Variants in DOK5 observed in about 807,000 individuals in gnomAD.
DOK5 encodes docking protein 5.
Under a neutral mutation model 43.3 loss-of-function variants are expected in DOK5, and 27 were observed. That is an observed-to-expected ratio of 0.62 (90% confidence interval 0.46 to 0.86). The LOEUF (loss-of-function observed/expected upper bound fraction) is 0.86. Among genes scored for constraint, DOK5 ranks in the 40% least tolerant of loss-of-function variants. The probability of loss-of-function intolerance (pLI) is 0.00; values close to 1 mark genes in which losing one functional copy is unlikely to be tolerated. For synonymous variants in DOK5, 146 were observed against 140.1 expected (o/e 1.04, Z -0.30); for missense variants, 373 against 392.9 (o/e 0.95, Z 0.43).
chr20:54,592,106 GGTACCATTTC>G (rs1985994425), intron 5 of DOK5, among the ~76,000 whole-genome samples: 1 of 152,102 alleles, frequency 6.6e-6, no homozygotes, highest in Admixed American at 6.5e-5. Context: ...ATGTTAAAAA[GGTACCATTTC>G]CTGGGTCAAG....
chr20:54,561,725 G>T (rs540249041), intron 2 of DOK5, among the ~76,000 whole-genome samples: 6 of 152,074 alleles, frequency 3.9e-5, no homozygotes, highest in Non-Finnish European at 8.8e-5. Flanking sequence ...GTGCGATCTC[G>T]GCTCACCGCA....
At chr20:54,519,344 A>T (rs1600676537) in intron 1 of DOK5, among the ~76,000 whole-genome samples, 1 of 152,344 alleles carries the variant, frequency 6.6e-6, no homozygotes, top group South Asian at 2.1e-4. Flanking sequence ...TAAATGCTAA[A>T]TAACTATTAG....
intron 2 of DOK5, among the ~76,000 whole-genome samples, chr20:54,580,612 T>C (rs750828857): frequency 6.6e-6 from 1 of 152,168 alleles, no homozygotes; most frequent in Non-Finnish European, 1.5e-5. Flanking sequence ...TGATGATTAG[T>C]GATGTTGAGA....
At chr20:54,613,983 G>C (rs987273817) in intron 6 of DOK5, among the ~76,000 whole-genome samples, 6 of 150,956 alleles carry the variant, frequency 4.0e-5, no homozygotes, top group Admixed American at 4.0e-4. Flanking sequence ...GACAAAGGGA[G>C]ACCCCATCTC....
At chr20:54,514,837 C>T (rs1057290053) in intron 1 of DOK5, among the ~76,000 whole-genome samples, 13 of 151,950 alleles carry the variant, frequency 8.6e-5, no homozygotes, top group African/African-American at 2.9e-4. Flanking sequence ...GTTGAATTAC[C>T]AAAATGCTCA....
At chr20:54,524,830 G>A (rs1983527342) in intron 1 of DOK5, among the ~76,000 whole-genome samples, 1 of 152,200 alleles carries the variant, frequency 6.6e-6, no homozygotes, top group South Asian at 2.1e-4. Context: ...AGCTGAAACT[G>A]ATCTATGCCA....
intron 2 of DOK5, among the ~76,000 whole-genome samples, chr20:54,574,125 G>A (rs73911976): frequency 0.017 from 2,552 of 152,246 alleles, 67 homozygotes; most frequent in African/African-American, 0.059. Flanking sequence ...TCTGCTGCAA[G>A]TCTCTGTTGA....
intron 2 of DOK5, among the ~76,000 whole-genome samples, chr20:54,561,028 A>G (rs935289419): frequency 2.0e-5 from 3 of 152,186 alleles, no homozygotes; most frequent in Non-Finnish European, 4.4e-5. Flanking sequence ...ACTCTCTTCC[A>G]TATTCCCTCT....
chr20:54,644,839 G>T (rs899147182), intron 7 of DOK5, among the ~76,000 whole-genome samples: 28 of 150,578 alleles, frequency 1.9e-4, no homozygotes, highest in South Asian at 4.3e-4. Context: ...TTGCACTCCA[G>T]CCTGGGCAAC....
intron 6 of DOK5, among the ~76,000 whole-genome samples, chr20:54,626,244 A>G (rs1214933558): frequency 6.6e-6 from 1 of 152,226 alleles, no homozygotes; most frequent in Non-Finnish European, 1.5e-5. Flanking sequence ...TGCAGAATTC[A>G]TCGAAAGGGG....
chr20:54,577,106 T>C (rs1469320073), intron 2 of DOK5, among the ~76,000 whole-genome samples: 1 of 152,200 alleles, frequency 6.6e-6, no homozygotes, highest in Non-Finnish European at 1.5e-5. Context: ...TTTTAGAAGC[T>C]GGAAGTTCTA....
At chr20:54,605,600 A>G (rs1986446861) in intron 5 of DOK5, among the ~76,000 whole-genome samples, 1 of 151,462 alleles carries the variant, frequency 6.6e-6, no homozygotes, top group Admixed American at 6.6e-5. Context: ...TTCTCAAACC[A>G]CTCCCCTCCC....
intron 5 of DOK5, among the ~76,000 whole-genome samples, chr20:54,605,750 C>A (rs1986450849): frequency 6.6e-6 from 1 of 152,182 alleles, no homozygotes. Flanking sequence ...GAAATGTAAA[C>A]CAAGCCATGC....
At chr20:54,534,952 G>A (rs534972161) in intron 1 of DOK5, among the ~76,000 whole-genome samples, 42 of 152,140 alleles carry the variant, frequency 2.8e-4, no homozygotes, top group African/African-American at 9.9e-4. Flanking sequence ...TTCTGCCTCA[G>A]CCTCCCGAGT....
intron 1 of DOK5, among the ~76,000 whole-genome samples, chr20:54,525,650 G>T (rs943541078): frequency 6.6e-6 from 1 of 152,206 alleles, no homozygotes; most frequent in African/African-American, 2.4e-5. Flanking sequence ...TATTAGCTGG[G>T]AGAGTTAAAT....
chr20:54,488,815 T>G (rs1457762500), intron 1 of DOK5, among the ~76,000 whole-genome samples: 1 of 134,868 alleles, frequency 7.4e-6, no homozygotes, highest in East Asian at 2.6e-4. Flanking sequence ...CCTTCCTTCC[T>G]TCCTTTTATT....
At chr20:54,600,889 G>T (rs1029156183) in intron 5 of DOK5, among the ~76,000 whole-genome samples, 26 of 152,206 alleles carry the variant, frequency 1.7e-4, no homozygotes, top group Non-Finnish European at 1.8e-4. Context: ...TGCTGGAGGT[G>T]TTAGGCAAAG....
At chr20:54,521,794 C>T (rs557264662) in intron 1 of DOK5, among the ~76,000 whole-genome samples, 18 of 152,172 alleles carry the variant, frequency 1.2e-4, no homozygotes, top group African/African-American at 4.3e-4. Context: ...GTTCTTCTGC[C>T]CAGTTGAGAG....
At chr20:54,639,466 G>T (rs1334686638) in intron 6 of DOK5, among the ~76,000 whole-genome samples, 1 of 152,138 alleles carries the variant, frequency 6.6e-6, no homozygotes, top group Non-Finnish European at 1.5e-5. Flanking sequence ...CATTTGAATG[G>T]CCAACCCACC....
Sources: allele counts gnomAD v4.1 joint callset (sites outside exome capture counted in the v4.1 genomes callset), GRCh38; gene constraint gnomAD v4.1.1; transcripts MANE v1.5; gene names NCBI Gene and HGNC (gene_info 2026-07-23, HGNC 2026-07-21).